CENPK: variants seen among roughly 807,000 people sequenced by gnomAD.
The protein encoded by CENPK is SoxLZ/Sox6-binding protein Solt.
In CENPK, 46 loss-of-function variants were observed where a neutral mutation model predicts 40.9. The observed-to-expected ratio is 1.13, with a 90% CI of 0.89 to 1.44. CENPK has a LOEUF of 1.44. Among genes scored for constraint, CENPK ranks in the 40% most tolerant of loss-of-function variants. CENPK has a pLI of 0.00. For synonymous variants in CENPK, 107 were observed against 104.4 expected, an observed-to-expected ratio of 1.02 and a Z score of -0.15; for missense variants, 288 against 303.5, an observed-to-expected ratio of 0.95 and a Z score of 0.38.
the CENPK span, among the ~76,000 whole-genome samples, chr5:65,496,026 G>A: frequency 6.6e-6 from 1 of 152,182 alleles, no homozygotes; most frequent in Admixed American, 6.5e-5. Context: ...GGAGGCCAAG[G>A]TGAGTGGATT....
chr5:65,538,658 A>T (rs541710913), intron 6 of CENPK, among the ~76,000 whole-genome samples: 1 of 152,216 alleles, frequency 6.6e-6, no homozygotes, highest in African/African-American at 2.4e-5. Context: ...CTGCAGACAG[A>T]GCGATGGAGG....
chr5:65,538,892 T>C (rs1291123174), intron 6 of CENPK, among the ~76,000 whole-genome samples: 1 of 152,136 alleles, frequency 6.6e-6, no homozygotes, highest in East Asian at 1.9e-4. Context: ...TTTAAAGAAA[T>C]AGCCTTGATT....
chr5:65,501,875 A>G, the CENPK span, among the ~76,000 whole-genome samples: 1 of 152,332 alleles, frequency 6.6e-6, no homozygotes, highest in Non-Finnish European at 1.5e-5. Flanking sequence ...AGTCAAGAGT[A>G]GGAAGCCTCC....
downstream of CENPK, among the ~76,000 whole-genome samples, chr5:65,515,204 A>AATTTTTTTTTTTTTTTTTT (rs35708852): frequency 5.6e-5 from 7 of 124,064 alleles, 1 homozygote; most frequent in East Asian, 2.8e-4. Flanking sequence ...TCTCAAAAAA[A>AATTTTTTTTTTTTTTTTTT]TTTTTTTTTT....
chr5:65,500,513 GTTGT>G, the CENPK span, among the ~76,000 whole-genome samples: 9 of 151,518 alleles, frequency 5.9e-5, no homozygotes, highest in East Asian at 3.9e-4. Flanking sequence ...TTTTGATGGG[GTTGT>G]TTGTTTTTTT....
At chr5:65,532,097 G>A (rs1394214101) in intron 6 of CENPK, among the ~76,000 whole-genome samples, 1 of 152,142 alleles carries the variant, frequency 6.6e-6, no homozygotes, top group African/African-American at 2.4e-5. Flanking sequence ...TGATAATGGA[G>A]AAATGTTATC....
intron 6 of CENPK, among the ~76,000 whole-genome samples, chr5:65,536,879 T>G (rs1181683393): frequency 1.3e-5 from 2 of 152,214 alleles, no homozygotes; most frequent in African/African-American, 2.4e-5. Context: ...GTGGCAGTGT[T>G]AAGAGGTAGG....
At chr5:65,550,264 T>A (rs927942628) in intron 5 of CENPK, among the ~76,000 whole-genome samples, 1 of 152,184 alleles carries the variant, frequency 6.6e-6, no homozygotes, top group African/African-American at 2.4e-5. Flanking sequence ...CTATCTTGGC[T>A]TCTGACATGC....
the CENPK span, among the ~76,000 whole-genome samples, chr5:65,499,937 C>T: frequency 3.2e-5 from 3 of 94,912 alleles, no homozygotes; most frequent in Admixed American, 1.0e-4. Flanking sequence ...TTTGTTCTTG[C>T]GATAGTTTAC....
chr5:65,499,013 TTA>T, the CENPK span, among the ~76,000 whole-genome samples: 3 of 151,890 alleles, frequency 2.0e-5, no homozygotes, highest in East Asian at 3.9e-4. Context: ...ATGATTTCCT[TTA>T]TGTTTCAGGA....
At chr5:65,536,981 C>G (rs1747027006) in intron 6 of CENPK, among the ~76,000 whole-genome samples, 2 of 152,206 alleles carry the variant, frequency 1.3e-5, no homozygotes, top group Admixed American at 1.3e-4. Context: ...CATGGGAGTT[C>G]AGCCCTGCCG....
At chr5:65,499,817 C>A in the CENPK span, among the ~76,000 whole-genome samples, 3 of 93,236 alleles carry the variant, frequency 3.2e-5, no homozygotes, top group African/African-American at 8.4e-5. Flanking sequence ...ATCCCTCCCC[C>A]CTCCCCCGAC....
intron 6 of CENPK, chr5:65,529,495 CTT>C (rs35215251): frequency 0.012 from 2,096 of 181,576 alleles, no homozygotes; most frequent in South Asian, 0.034. Context: ...TTCTTTCTTT[CTT>C]TTTTTTTTTT....
chr5:65,527,498 CATATATATATATATATATATATATATAT>C (rs70983674), intron 9 of CENPK, among the ~76,000 whole-genome samples: 3,503 of 91,724 alleles, frequency 0.038, 112 homozygotes, highest in Middle Eastern at 0.05. Context: ...TTATTAACAC[CATATATATATATATATATATATATATAT>C]ATATATATAT....
intron 1 of CENPK, 89 bp from the exon 2 acceptor site, chr5:65,561,653 G>C (rs1255772385): frequency 3.3e-6 from 1 of 298,980 alleles, no homozygotes; most frequent in African/African-American, 2.2e-5. Context: ...CCCACATTTT[G>C]TATCCTTAAA....
At chr5:65,520,745 A>C (rs1223603441) in intron 10 of CENPK, among the ~76,000 whole-genome samples, 1 of 152,198 alleles carries the variant, frequency 6.6e-6, no homozygotes, top group Non-Finnish European at 1.5e-5. Flanking sequence ...GTTTTCTGAA[A>C]TCACTCTTTC....
the CENPK span, among the ~76,000 whole-genome samples, chr5:65,508,802 A>AAG: frequency 6.6e-6 from 1 of 151,756 alleles, no homozygotes; most frequent in East Asian, 1.9e-4. Context: ...AAAAAAAAAA[A>AAG]AAAAGCTAAA....
In CENPK at chr5:65,526,133, T is replaced by C. The variant is rs577676907; in HGVS notation, c.597+2319A>G. ...GACTTAATGACCCGATAATGGCTCA[T>C]GGTAATCAAGCTTCCTTTTCAGGAT... On this transcript the variant is annotated intron_variant, in intron 9 of 10. Coordinates refer to ENST00000396679, the MANE Select transcript of CENPK (RefSeq NM_022145.5). 3.0e-4 allele frequency among the ~76,000 whole-genome samples: 45 copies of C among 152,300 alleles called. 1 individual carries two copies. The South Asian group carries it at 3.3e-3, about 11-fold the overall frequency.
chr5:65,506,866 T>C, the CENPK span, among the ~76,000 whole-genome samples: 1 of 152,178 alleles, frequency 6.6e-6, no homozygotes, highest in Non-Finnish European at 1.5e-5. Flanking sequence ...TGTCACACTA[T>C]TCTATAAAAC....
Sources: gnomAD v4.1 joint callset for allele counts (sites outside exome capture counted in the v4.1 genomes callset) on GRCh38, gnomAD v4.1.1 for gene constraint, MANE v1.5 for transcripts, NCBI Gene and HGNC (gene_info 2026-07-23, HGNC 2026-07-21) for gene names.